Variants in CCSER1 observed in about 807,000 individuals in gnomAD.
CCSER1 encodes the protein coiled-coil serine rich protein 1.
Under a neutral mutation model 82.0 loss-of-function variants are expected in CCSER1, and 41 were observed. The observed-to-expected ratio is 0.50, with a 90% CI of 0.39 to 0.65. CCSER1 has a LOEUF of 0.65. Among genes scored for constraint, CCSER1 ranks in the 30% least tolerant of loss-of-function variants. The probability of loss-of-function intolerance (pLI) is 0.00; values close to 1 mark genes in which losing one functional copy is unlikely to be tolerated. For synonymous variants in CCSER1, 414 were observed against 383.9 expected (o/e 1.08, Z -0.92); for missense variants, 1,119 against 1,064.2 (o/e 1.05, Z -0.72).
chr4:91,212,035 C>T (rs1221920657), intron 10 of CCSER1, among the ~76,000 whole-genome samples: 1 of 152,038 alleles, frequency 6.6e-6, no homozygotes, highest in Non-Finnish European at 1.5e-5. Flanking sequence ...GCATTCAAAA[C>T]ATGAAAAAAC....
chr4:90,774,161 T>C (rs1366407427), intron 7 of CCSER1, among the ~76,000 whole-genome samples: 1 of 152,186 alleles, frequency 6.6e-6, no homozygotes, highest in Non-Finnish European at 1.5e-5. Flanking sequence ...GGTTACATTT[T>C]GATCTCAGGT....
At chr4:90,737,836 A>G (rs1580229215) in intron 7 of CCSER1, among the ~76,000 whole-genome samples, 1 of 152,148 alleles carries the variant, frequency 6.6e-6, no homozygotes, top group East Asian at 1.9e-4. Flanking sequence ...GCCTGTCTTC[A>G]GGCTTATTAC....
chr4:90,158,989 A>G (rs2153364134), intron 1 of CCSER1, among the ~76,000 whole-genome samples: 2 of 152,272 alleles, frequency 1.3e-5, no homozygotes, highest in South Asian at 4.1e-4. Flanking sequence ...TGGGAGCTGT[A>G]GACCGGCGCT....
chr4:91,409,582 C>T (rs1253017359), intron 10 of CCSER1, among the ~76,000 whole-genome samples: 1 of 152,054 alleles, frequency 6.6e-6, no homozygotes, highest in Non-Finnish European at 1.5e-5. Context: ...TTTATTCTTC[C>T]CAAGCAATAC....
chr4:90,261,883 T>C (rs1273179753), intron 1 of CCSER1, among the ~76,000 whole-genome samples: 1 of 152,176 alleles, frequency 6.6e-6, no homozygotes, highest in Non-Finnish European at 1.5e-5. Context: ...ACTTATTTTA[T>C]TGTTGAAACT....
In CCSER1 at chr4:90,853,377, A is replaced by G. The variant is rs558576448; in HGVS notation, c.2094+37532A>G. Among the ~76,000 whole-genome samples, 3 of 152,320 alleles carry G rather than the reference A, an allele frequency of 2.0e-5. No homozygotes were observed. In the South Asian group the frequency reaches 6.2e-4, roughly 32 times the overall value. On this transcript the variant is annotated intron_variant, in intron 8 of 10. Coordinates refer to ENST00000509176, the MANE Select transcript of CCSER1 (RefSeq NM_001145065.2). ...GGAACTCAATGAACCAAAGCATTGA[A>G]GCATTGCTCCTATAATTCGTTTTAG...
At chr4:90,330,008 C>T (rs2153494889) in intron 3 of CCSER1, among the ~76,000 whole-genome samples, 1 of 151,848 alleles carries the variant, frequency 6.6e-6, no homozygotes, top group Admixed American at 6.6e-5. Context: ...ACTTCAAAGA[C>T]CAAAAAATAA....
intron 5 of CCSER1, among the ~76,000 whole-genome samples, chr4:90,526,587 G>A (rs944836207): frequency 3.3e-5 from 5 of 152,036 alleles, no homozygotes; most frequent in Admixed American, 3.3e-4. Context: ...TGTTCTCATT[G>A]TTCAATTCCC....
chr4:91,247,954 G>A (rs1010388624), intron 10 of CCSER1, among the ~76,000 whole-genome samples: 2 of 152,056 alleles, frequency 1.3e-5, no homozygotes, highest in South Asian at 2.1e-4. Flanking sequence ...CTAAGACTTA[G>A]GCAGGAAGTA....
chr4:90,452,205 G>T (rs1448751003), intron 4 of CCSER1, among the ~76,000 whole-genome samples: 2 of 152,066 alleles, frequency 1.3e-5, no homozygotes, highest in Non-Finnish European at 2.9e-5. Flanking sequence ...TCTCTAAGGG[G>T]GTTTTTTTGA....
At chr4:90,299,420 C>A (rs1445394729) in intron 1 of CCSER1, among the ~76,000 whole-genome samples, 5 of 152,078 alleles carry the variant, frequency 3.3e-5, no homozygotes, top group Admixed American at 2.6e-4. Context: ...CTCAATATAG[C>A]TAAATTATAT....
intron 6 of CCSER1, among the ~76,000 whole-genome samples, chr4:90,720,203 A>T (rs960294782): frequency 1.3e-5 from 2 of 151,952 alleles, no homozygotes; most frequent in Admixed American, 6.6e-5. Flanking sequence ...GATGCTCCAG[A>T]ATCATCTTGT....
intron 8 of CCSER1, among the ~76,000 whole-genome samples, chr4:90,907,653 T>C (rs566613873): frequency 6.6e-6 from 1 of 152,256 alleles, no homozygotes; most frequent in Non-Finnish European, 1.5e-5. Flanking sequence ...ATTTGTCATG[T>C]GATGTTACAG....
chr4:91,580,264 T>C (rs945141483), intron 10 of CCSER1, among the ~76,000 whole-genome samples: 3 of 151,856 alleles, frequency 2.0e-5, no homozygotes, highest in African/African-American at 7.2e-5. Context: ...ATATCCTTAT[T>C]TTTGTTATAG....
chr4:90,973,525 AGTT>A (rs1316396608), intron 9 of CCSER1, among the ~76,000 whole-genome samples: 4 of 151,680 alleles, frequency 2.6e-5, no homozygotes, highest in African/African-American at 9.7e-5. Context: ...GTGTTGAAGA[AGTT>A]GTAGAGAAAA....
At chr4:91,565,872 G>A (rs1396848815) in intron 10 of CCSER1, among the ~76,000 whole-genome samples, 1 of 152,038 alleles carries the variant, frequency 6.6e-6, no homozygotes, top group Non-Finnish European at 1.5e-5. Context: ...CCATTTGGAT[G>A]CCCTTTATTC....
In CCSER1 at chr4:91,366,992, T is replaced by A. The variant is rs530227014; in HGVS notation, c.2218-231580T>A. 7.2e-5 allele frequency among the ~76,000 whole-genome samples: 11 copies of A among 152,112 alleles called. No homozygotes were observed. In the South Asian group the frequency reaches 8.3e-4, roughly 11 times the overall value. ...ATAATTAGCAGCAATCAAAAATTTT[T>A]AAAAAGTCAAAATATTAAGAGCTGA... On this transcript the variant is annotated intron_variant, in intron 10 of 10. Coordinates refer to ENST00000509176, the MANE Select transcript of CCSER1 (RefSeq NM_001145065.2).
chr4:90,486,708 A>G (rs558054752), intron 5 of CCSER1, among the ~76,000 whole-genome samples: 19 of 152,318 alleles, frequency 1.2e-4, no homozygotes, highest in African/African-American at 4.3e-4. Flanking sequence ...CTCTTGATAC[A>G]TAGATAAAAA....
chr4:90,949,797 C>G (rs1732692644), intron 9 of CCSER1, among the ~76,000 whole-genome samples: 1 of 152,034 alleles, frequency 6.6e-6, no homozygotes, highest in African/African-American at 2.4e-5. Context: ...AGAATTATCC[C>G]TACTGTACTG....
Sources: gnomAD v4.1 joint callset for allele counts (sites outside exome capture counted in the v4.1 genomes callset) on GRCh38, gnomAD v4.1.1 for gene constraint, MANE v1.5 for transcripts, NCBI Gene and HGNC (gene_info 2026-07-23, HGNC 2026-07-21) for gene names.